The following TTLL11 variants were observed in gnomAD, a reference collection of about 807,000 sequenced individuals.
The protein encoded by TTLL11 is tubulin polyglutamylase TTLL11.
In TTLL11, 42 loss-of-function variants were observed where a neutral mutation model predicts 51.7. The ratio of observed to expected loss-of-function variants is 0.81; its 90% CI spans 0.64 to 1.05. TTLL11 has a LOEUF of 1.05. Among genes scored for constraint, TTLL11 ranks in the 50% least tolerant of loss-of-function variants. TTLL11 has a pLI of 0.00. For missense variants in TTLL11, 799 were observed against 940.4 expected (o/e 0.85, Z 1.97); for synonymous variants, 381 against 383.5 (o/e 0.99, Z 0.08).
chr9:121,938,845 G>C (rs1375122344), intron 6 of TTLL11, among the ~76,000 whole-genome samples: 1 of 152,220 alleles, frequency 6.6e-6, no homozygotes, highest in Non-Finnish European at 1.5e-5. Context: ...ATATAAACTG[G>C]TGGGAGTGTA....
intron 6 of TTLL11, among the ~76,000 whole-genome samples, chr9:121,876,452 A>G (rs1251714160): frequency 6.6e-6 from 1 of 152,228 alleles, no homozygotes; most frequent in African/African-American, 2.4e-5. Flanking sequence ...CCTGTCACCC[A>G]GAAGCATGGG....
At chr9:121,920,831 G>C (rs1840512272) in intron 6 of TTLL11, among the ~76,000 whole-genome samples, 1 of 152,220 alleles carries the variant, frequency 6.6e-6, no homozygotes, top group Non-Finnish European at 1.5e-5. Context: ...AGCCTCCCTT[G>C]CAGGGAAGGA....
At chr9:122,039,838 G>C (rs1356030156) in intron 1 of TTLL11, among the ~76,000 whole-genome samples, 1 of 151,424 alleles carries the variant, frequency 6.6e-6, no homozygotes, top group Non-Finnish European at 1.5e-5. Context: ...AAAAGAATAA[G>C]CTTTCAGAGT....
intron 6 of TTLL11, among the ~76,000 whole-genome samples, chr9:121,925,331 G>GTCCCAGGC (rs1840688041): frequency 6.6e-6 from 1 of 152,258 alleles, no homozygotes; most frequent in South Asian, 2.1e-4. Flanking sequence ...CAGGAGATGA[G>GTCCCAGGC]TCCCAGGCTC....
chr9:121,874,832 C>T (rs1245504472), intron 6 of TTLL11, among the ~76,000 whole-genome samples: 1 of 151,566 alleles, frequency 6.6e-6, no homozygotes, highest in African/African-American at 2.4e-5. Context: ...TCTCGGCTCA[C>T]TGCAACCTCC....
At chr9:122,007,551 G>C (rs1843692185) in intron 3 of TTLL11, among the ~76,000 whole-genome samples, 1 of 151,222 alleles carries the variant, frequency 6.6e-6, no homozygotes, top group Non-Finnish European at 1.5e-5. Context: ...AAATAAATTT[G>C]AGCATCAAAA....
rs766242525 is a variant in TTLL11, at chr9:121,890,769, C to A, written c.1482-20021G>T. ...AGAGTAAGTGCTCAATAAACACTGG[C>A]TAGGTGCATGAATGCATGAATGGGT... On this transcript the variant is annotated intron_variant, in intron 6 of 8. Transcript: ENST00000321582. The surrounding 1 kb of genome is among the most constrained non-coding windows in gnomAD (Gnocchi z 4.3). Among the ~76,000 whole-genome samples the A allele has an allele frequency of 8.5e-5, 13 of 152,164 alleles. No homozygotes were observed. The highest frequency in any genetic ancestry group is 3.3e-4 in the Admixed American group (5 of 15,284).
intron 6 of TTLL11, among the ~76,000 whole-genome samples, chr9:121,944,338 C>T (rs1339374773): frequency 6.6e-6 from 1 of 152,020 alleles, no homozygotes; most frequent in Non-Finnish European, 1.5e-5. Context: ...CGAATCCCCG[C>T]CTCCACTAAA....
At chr9:121,994,044 T>G (rs894548098) in intron 3 of TTLL11, among the ~76,000 whole-genome samples, 1 of 152,170 alleles carries the variant, frequency 6.6e-6, no homozygotes, top group Non-Finnish European at 1.5e-5. Context: ...ATGAGCCTGG[T>G]ACCCAGGGCA....
chr9:122,027,674 C>T (rs903426895), intron 3 of TTLL11, among the ~76,000 whole-genome samples: 1 of 152,076 alleles, frequency 6.6e-6, no homozygotes, highest in Non-Finnish European at 1.5e-5. Context: ...AGTTTAAAAA[C>T]TGAAGGCAAA....
intron 8 of TTLL11, among the ~76,000 whole-genome samples, chr9:121,851,758 T>C (rs377415405): frequency 2.0e-5 from 3 of 152,222 alleles, no homozygotes; most frequent in African/African-American, 4.8e-5. Context: ...GAGTGCTGTG[T>C]TTTGCAACAA....
At chr9:121,850,207 G>C (rs1486804461) in intron 8 of TTLL11, among the ~76,000 whole-genome samples, 1 of 152,154 alleles carries the variant, frequency 6.6e-6, no homozygotes, top group Non-Finnish European at 1.5e-5. Flanking sequence ...TACAGAGATA[G>C]ATATAGATAT....
intron 6 of TTLL11, among the ~76,000 whole-genome samples, chr9:121,879,756 C>CGGGAAACAAGT (rs1413009832): frequency 8.7e-5 from 6 of 69,338 alleles, no homozygotes; most frequent in Non-Finnish European, 1.2e-4. Flanking sequence ...TGCTTGAAGC[C>CGGGAAACAAGT]CTGAATCTAG....
intron 8 of TTLL11, among the ~76,000 whole-genome samples, chr9:121,851,290 A>G (rs1034189119): frequency 1.4e-4 from 21 of 152,194 alleles, no homozygotes; most frequent in Admixed American, 1.4e-3. Context: ...AGAACTGTAC[A>G]ACACAAAGAG....
chr9:122,024,478 A>T (rs1487073004), intron 3 of TTLL11, among the ~76,000 whole-genome samples: 1 of 152,188 alleles, frequency 6.6e-6, no homozygotes, highest in Non-Finnish European at 1.5e-5. Flanking sequence ...CAATAGCCAA[A>T]ACAACTTTGA....
At chr9:121,901,631 T>A (rs895027767) in intron 6 of TTLL11, among the ~76,000 whole-genome samples, 5 of 152,052 alleles carry the variant, frequency 3.3e-5, no homozygotes. Context: ...CTGGTAAGTA[T>A]CCCTATATTG....
intron 6 of TTLL11, among the ~76,000 whole-genome samples, chr9:121,926,463 C>T (rs1421797091): frequency 6.6e-6 from 1 of 152,232 alleles, no homozygotes; most frequent in Non-Finnish European, 1.5e-5. Context: ...TTTTCATTCT[C>T]AGAACAACCC....
intron 6 of TTLL11, among the ~76,000 whole-genome samples, chr9:121,872,604 G>A (rs754943775): frequency 3.3e-5 from 5 of 152,130 alleles, no homozygotes; most frequent in South Asian, 4.1e-4. Context: ...AGCCCTGTAC[G>A]AACGGTCCTC....
intron 8 of TTLL11, among the ~76,000 whole-genome samples, chr9:121,840,057 A>G (rs1172991733): frequency 6.6e-6 from 1 of 152,240 alleles, no homozygotes; most frequent in Non-Finnish European, 1.5e-5. Flanking sequence ...TTTGTCAGAG[A>G]GAAACTGCAG....
Sources: allele counts gnomAD v4.1 joint callset (sites outside exome capture counted in the v4.1 genomes callset), GRCh38; gene constraint gnomAD v4.1.1; non-coding constraint Gnocchi (gnomAD v3.1); transcripts MANE v1.5; gene names NCBI Gene and HGNC (gene_info 2026-07-23, HGNC 2026-07-21).